The following CNTNAP5 variants were observed in gnomAD, a reference collection of about 807,000 sequenced individuals.
CNTNAP5 encodes contactin associated protein family member 5, also known as contactin-associated protein-like 5.
In CNTNAP5, 72 loss-of-function variants were observed where a neutral mutation model predicts 150.2. That is an observed-to-expected ratio of 0.48 (90% CI 0.40 to 0.58). The LOEUF is 0.58. Ranked by LOEUF, CNTNAP5 falls within the 20% of genes least tolerant of loss-of-function variation. CNTNAP5 has a pLI of 0.00. For missense variants in CNTNAP5, 1,636 were observed against 1,626.2 expected (o/e 1.01, Z -0.10); for synonymous variants, 672 against 619.8 (o/e 1.08, Z -1.25).
chr2:124,049,888 A>G (rs2104641461), intron 1 of CNTNAP5, among the ~76,000 whole-genome samples: 1 of 152,268 alleles, frequency 6.6e-6, no homozygotes, highest in East Asian at 1.9e-4. Context: ...TTATAGATAG[A>G]AACTTCTTAC....
chr2:124,529,159 A>G (rs1012839444), intron 10 of CNTNAP5, among the ~76,000 whole-genome samples: 3 of 151,722 alleles, frequency 2.0e-5, no homozygotes, highest in African/African-American at 7.3e-5. Context: ...AAGTTATTGC[A>G]GGCGATGGTT....
intron 13 of CNTNAP5, among the ~76,000 whole-genome samples, chr2:124,727,224 T>A (rs890351500): frequency 2.0e-5 from 3 of 152,108 alleles, no homozygotes; most frequent in African/African-American, 7.2e-5. Flanking sequence ...ACCATATTAT[T>A]ATGACTACTG....
intron 14 of CNTNAP5, among the ~76,000 whole-genome samples, chr2:124,760,604 A>G (rs1272403173): frequency 6.6e-6 from 1 of 151,892 alleles, no homozygotes. Context: ...GCGTTTTATT[A>G]TTTTTGGTCA....
intron 19 of CNTNAP5, among the ~76,000 whole-genome samples, chr2:124,853,895 G>T (rs1270591735): frequency 1.3e-5 from 2 of 152,156 alleles, no homozygotes; most frequent in Admixed American, 1.3e-4. Flanking sequence ...ACTTACAAGT[G>T]AGAACATGAG....
chr2:124,307,185 G>A (rs1486219278), intron 3 of CNTNAP5, among the ~76,000 whole-genome samples: 3 of 152,136 alleles, frequency 2.0e-5, no homozygotes, highest in African/African-American at 7.2e-5. Flanking sequence ...GAATGATTGG[G>A]TTTTTGCTTA....
At chr2:124,207,005 T>G (rs1453385283) in intron 1 of CNTNAP5, among the ~76,000 whole-genome samples, 1 of 152,240 alleles carries the variant, frequency 6.6e-6, no homozygotes, top group Non-Finnish European at 1.5e-5. Context: ...CAACTCTGTA[T>G]GGCAAATATG....
chr2:124,137,829 T>C (rs1255580070), intron 1 of CNTNAP5, among the ~76,000 whole-genome samples: 2 of 151,866 alleles, frequency 1.3e-5, no homozygotes, highest in Non-Finnish European at 2.9e-5. Context: ...CAGAGGGCCA[T>C]GAGCCTAGAG....
At chr2:124,423,641 C>T (rs374045304) in intron 4 of CNTNAP5, among the ~76,000 whole-genome samples, 7 of 136,132 alleles carry the variant, frequency 5.1e-5, no homozygotes, top group African/African-American at 1.1e-4. Flanking sequence ...CCACTGCGCC[C>T]GGCTAATTAA....
At chr2:124,520,171 A>C (rs942800932) in intron 8 of CNTNAP5, among the ~76,000 whole-genome samples, 11 of 152,220 alleles carry the variant, frequency 7.2e-5, no homozygotes, top group African/African-American at 2.7e-4. Context: ...TTATCAAGAT[A>C]TCAGTAGCAT....
chr2:124,421,719 A>C (rs1284689286), intron 4 of CNTNAP5, among the ~76,000 whole-genome samples: 1 of 152,206 alleles, frequency 6.6e-6, no homozygotes, highest in East Asian at 1.9e-4. Flanking sequence ...GAGATTTCTT[A>C]CTGGCAAGTA....
chr2:124,337,968 T>C (rs1689519110), intron 3 of CNTNAP5, among the ~76,000 whole-genome samples: 1 of 152,200 alleles, frequency 6.6e-6, no homozygotes, highest in Admixed American at 6.6e-5. Context: ...GTGTGGCCAT[T>C]TTCATGATAT....
intron 10 of CNTNAP5, among the ~76,000 whole-genome samples, chr2:124,558,000 G>A (rs1695799410): frequency 6.6e-6 from 1 of 152,076 alleles, no homozygotes; most frequent in Admixed American, 6.6e-5. Context: ...AATAAGAACT[G>A]GAAGATCATT....
At chr2:124,498,921 T>A (rs558191756) in intron 7 of CNTNAP5, among the ~76,000 whole-genome samples, 24 of 152,230 alleles carry the variant, frequency 1.6e-4, no homozygotes, top group South Asian at 1.0e-3. Flanking sequence ...CAAGTGGGAA[T>A]ATTAGGGCCC....
chr2:124,146,977 A>G (rs1573790211), intron 1 of CNTNAP5, among the ~76,000 whole-genome samples: 1 of 152,008 alleles, frequency 6.6e-6, no homozygotes, highest in Admixed American at 6.6e-5. Flanking sequence ...GGTTGGGGGG[A>G]GACAAAACAG....
chr2:124,843,436 T>A (rs1426111484), intron 19 of CNTNAP5, among the ~76,000 whole-genome samples: 1 of 152,144 alleles, frequency 6.6e-6, no homozygotes, highest in African/African-American at 2.4e-5. Context: ...TTTGGGCTGG[T>A]TCCATATTTT....
At chr2:124,774,868 A>C (rs944851435) in intron 17 of CNTNAP5, among the ~76,000 whole-genome samples, 5 of 152,204 alleles carry the variant, frequency 3.3e-5, no homozygotes, top group Non-Finnish European at 5.9e-5. Flanking sequence ...GCAAGTCAAA[A>C]GGGAAAGGCG....
intron 12 of CNTNAP5, among the ~76,000 whole-genome samples, chr2:124,645,393 C>A (rs1478209609): frequency 6.6e-6 from 1 of 152,100 alleles, no homozygotes; most frequent in African/African-American, 2.4e-5. Flanking sequence ...ATAATGAGAG[C>A]CCATCTCTAA....
intron 1 of CNTNAP5, among the ~76,000 whole-genome samples, chr2:124,027,729 A>G (rs1206722022): frequency 6.6e-6 from 1 of 152,194 alleles, no homozygotes; most frequent in Non-Finnish European, 1.5e-5. Context: ...TAATTTCCCT[A>G]TTTCCAATCA....
intron 3 of CNTNAP5, among the ~76,000 whole-genome samples, chr2:124,288,086 T>C (rs1489297554): frequency 6.6e-6 from 1 of 152,136 alleles, no homozygotes; most frequent in Non-Finnish European, 1.5e-5. Flanking sequence ...TCTGTCACCA[T>C]GCCTGGCTAA....
Sources: gnomAD v4.1 joint callset for allele counts (sites outside exome capture counted in the v4.1 genomes callset) on GRCh38, gnomAD v4.1.1 for gene constraint, MANE v1.5 for transcripts, NCBI Gene and HGNC (gene_info 2026-07-23, HGNC 2026-07-21) for gene names.